The following FAM174A variants were observed in gnomAD, a reference collection of about 807,000 sequenced individuals.
The protein encoded by FAM174A is family with sequence similarity 174 member A, also known as membrane protein FAM174A.
A neutral mutation model predicts 14.3 loss-of-function variants in FAM174A; 14 were observed. The observed-to-expected ratio is 0.98, with a 90% confidence interval of 0.65 to 1.53. FAM174A has a LOEUF of 1.53. Ranked by LOEUF, FAM174A falls within the 40% of genes most tolerant of loss-of-function variation. The probability of loss-of-function intolerance (pLI) is 0.00; values close to 1 mark genes in which losing one functional copy is unlikely to be tolerated. For synonymous variants in FAM174A, 108 were observed against 111.4 expected (o/e 0.97, Z 0.19); for missense variants, 241 against 249.6 (o/e 0.97, Z 0.23).
chr5:100,554,236 A>G (rs745424711), intron 1 of FAM174A, among the ~76,000 whole-genome samples: 10 of 151,986 alleles, frequency 6.6e-5, no homozygotes, highest in African/African-American at 9.7e-5. Context: ...AAATCAAACA[A>G]TTGCATGCAG....
chr5:100,540,519 A>G (rs1357347029), intron 1 of FAM174A, among the ~76,000 whole-genome samples: 1 of 152,198 alleles, frequency 6.6e-6, no homozygotes, highest in Admixed American at 6.5e-5. Flanking sequence ...TTTTCTATAT[A>G]AAGAGACCCA....
At chr5:100,574,832 A>G (rs1204351732) in intron 2 of FAM174A, among the ~76,000 whole-genome samples, 1 of 152,178 alleles carries the variant, frequency 6.6e-6, no homozygotes, top group Admixed American at 6.5e-5. Context: ...GACAGAGTGA[A>G]GTAACAGAAC....
intron 2 of FAM174A, among the ~76,000 whole-genome samples, chr5:100,563,472 A>G (rs967989154): frequency 1.3e-5 from 2 of 151,882 alleles, no homozygotes; most frequent in Admixed American, 1.3e-4. Flanking sequence ...GTATGACTCT[A>G]TCAGAGCACC....
At chr5:100,582,930 G>A (rs1015316747) in intron 2 of FAM174A, among the ~76,000 whole-genome samples, 3 of 152,050 alleles carry the variant, frequency 2.0e-5, no homozygotes, top group African/African-American at 4.8e-5. Context: ...AAAAATCCAC[G>A]TGTAATTTTT....
intron 2 of FAM174A, among the ~76,000 whole-genome samples, chr5:100,565,514 G>C (rs1746625240): frequency 6.6e-6 from 1 of 151,768 alleles, no homozygotes; most frequent in African/African-American, 2.4e-5. Context: ...TTTAAAATGG[G>C]CACATGACCC....
At chr5:100,571,457 A>G (rs1285019510) in intron 2 of FAM174A, among the ~76,000 whole-genome samples, 2 of 151,240 alleles carry the variant, frequency 1.3e-5, no homozygotes, top group East Asian at 3.9e-4. Context: ...TCCATAATAC[A>G]CTGGACTTTA....
intron 1 of FAM174A, among the ~76,000 whole-genome samples, chr5:100,542,336 T>C (rs1746073999): frequency 6.6e-6 from 1 of 152,202 alleles, no homozygotes; most frequent in Non-Finnish European, 1.5e-5. Context: ...TGTACTCTCT[T>C]TATAAGGAGA....
At chr5:100,544,443 C>T (rs1444036079) in intron 1 of FAM174A, among the ~76,000 whole-genome samples, 2 of 145,988 alleles carry the variant, frequency 1.4e-5, no homozygotes, top group African/African-American at 5.1e-5. Flanking sequence ...GATCGAGAGA[C>T]AGAGAGAGAA....
At chr5:100,565,607 A>G (rs10065988) in intron 2 of FAM174A, among the ~76,000 whole-genome samples, 12,399 of 151,890 alleles carry the variant, frequency 0.082, 784 homozygotes, top group African/African-American at 0.17. Flanking sequence ...TAAAAATATA[A>G]TTACCTTATG....
chr5:100,578,096 A>G (rs937517318), intron 2 of FAM174A, among the ~76,000 whole-genome samples: 4 of 152,132 alleles, frequency 2.6e-5, no homozygotes, highest in Non-Finnish European at 5.9e-5. Context: ...CATTGCTATA[A>G]CCAGAGTAGC....
intron 1 of FAM174A, among the ~76,000 whole-genome samples, chr5:100,553,828 G>A (rs1168855215): frequency 6.6e-6 from 1 of 152,104 alleles, no homozygotes; most frequent in Non-Finnish European, 1.5e-5. Flanking sequence ...GTATTATTAG[G>A]CAAATTAGTT....
At chr5:100,583,178 T>A (rs995351545) in intron 2 of FAM174A, among the ~76,000 whole-genome samples, 1 of 152,164 alleles carries the variant, frequency 6.6e-6, no homozygotes, top group African/African-American at 2.4e-5. Flanking sequence ...TGTCTTCACG[T>A]TGAGTAGGCT....
At chr5:100,565,084 C>G (rs2112388908) in intron 2 of FAM174A, among the ~76,000 whole-genome samples, 1 of 134,440 alleles carries the variant, frequency 7.4e-6, no homozygotes, top group South Asian at 2.1e-4. Flanking sequence ...GCCAATACTC[C>G]TGATGAACAT....
At chr5:100,550,434 G>T (rs1234699760) in intron 1 of FAM174A, among the ~76,000 whole-genome samples, 1 of 151,998 alleles carries the variant, frequency 6.6e-6, no homozygotes. Context: ...TAAAAATTTA[G>T]ATATCTTTCT....
intron 2 of FAM174A, among the ~76,000 whole-genome samples, chr5:100,564,183 G>A (rs6886297): frequency 0.019 from 2,911 of 151,852 alleles, 79 homozygotes; most frequent in African/African-American, 0.064. Flanking sequence ...GCAGAACCAC[G>A]AGCCAATTAA....
At chr5:100,556,897 A>G (rs952570045) in intron 1 of FAM174A, among the ~76,000 whole-genome samples, 3 of 152,172 alleles carry the variant, frequency 2.0e-5, no homozygotes, top group Non-Finnish European at 1.5e-5. Context: ...AACAGGGGCA[A>G]TTTGACTTCC....
intron 2 of FAM174A, among the ~76,000 whole-genome samples, chr5:100,563,408 A>AG (rs1746570126): frequency 6.6e-6 from 1 of 151,936 alleles, no homozygotes; most frequent in Admixed American, 6.6e-5. Context: ...GACAAAAAAA[A>AG]AAAAGATCAT....
intron 1 of FAM174A, among the ~76,000 whole-genome samples, chr5:100,546,696 A>G (rs1746170473): frequency 6.6e-6 from 1 of 152,224 alleles, no homozygotes; most frequent in African/African-American, 2.4e-5. Context: ...TCCCTGTGCT[A>G]TCTTATAAGT....
At chr5:100,561,324 G>T (rs1020126955) in intron 1 of FAM174A, among the ~76,000 whole-genome samples, 1 of 151,798 alleles carries the variant, frequency 6.6e-6, no homozygotes. Flanking sequence ...AGGTTTCTGG[G>T]CCCCATCTTC....
Sources: gnomAD v4.1 joint callset for allele counts (sites outside exome capture counted in the v4.1 genomes callset) on GRCh38, gnomAD v4.1.1 for gene constraint, MANE v1.5 for transcripts, NCBI Gene and HGNC (gene_info 2026-07-23, HGNC 2026-07-21) for gene names.